The following RSL24D1 variants were observed in gnomAD, a reference collection of about 807,000 sequenced individuals.
RSL24D1 encodes the protein probable ribosome biogenesis protein RLP24.
A neutral mutation model predicts 26.2 loss-of-function variants in RSL24D1; 6 were observed. The ratio of observed to expected loss-of-function variants is 0.23; its 90% CI spans 0.13 to 0.45. The LOEUF (loss-of-function observed/expected upper bound fraction) is 0.45, where lower values mean the gene tolerates loss of function less well. RSL24D1 is among the 20% of genes least tolerant of loss of function. The pLI is 0.99. For missense variants in RSL24D1, 176 were observed against 202.6 expected, an observed-to-expected ratio of 0.87 and a Z score of 0.80; for synonymous variants, 61 against 59.1, an observed-to-expected ratio of 1.03 and a Z score of -0.15.
At chr15:55,186,788 A>G (rs1248115569) in intron 3 of RSL24D1, among the ~76,000 whole-genome samples, 1 of 137,864 alleles carries the variant, frequency 7.3e-6, no homozygotes, top group Non-Finnish European at 1.5e-5. Flanking sequence ...TAATAATTGC[A>G]GTGTGGTTAT....
Position 55,185,391 on chromosome 15 carries a change from C to G in RSL24D1, c.303G>C (p.Gln101His), listed in dbSNP as rs764295201. The G allele has an allele frequency of 6.2e-7, 1 of 1,608,778 alleles. No individual in the cohort carries two copies. Among genetic ancestry groups the G allele is most frequent in the Admixed American group, 1.7e-5 (1 of 58,802 alleles). Residue 101 changes from glutamine to histidine, a missense_variant, in exon 4 of 6, where the codon CAG (glutamine) becomes CAC (histidine). Physicochemically the swap from Gln to His is conservative, Grantham distance 24. Transcript: ENST00000260443. Reference sequence around the variant, plus strand: ...TCATTATAAATTTAGCTTGGCGCTTCTGTTTGATTTCTTCAACTCTCTTCA... The same window carrying G: ...TCATTATAAATTTAGCTTGGCGCTTGTGTTTGATTTCTTCAACTCTCTTCA... ...DAMKRVEEIKQKRQAKFIMNR... is the reference protein window; with the variant it reads ...DAMKRVEEIKHKRQAKFIMNR...
chr15:55,192,957 T>C (rs1003646951), intron 1 of RSL24D1, 124 bp from the exon 2 acceptor site: 29 of 610,682 alleles, frequency 4.7e-5, no homozygotes, highest in African/African-American at 4.1e-4. Flanking sequence ...ATGTGTAAGA[T>C]ATATCAGATT....
chr15:55,186,823 A>G (rs1894229552), intron 3 of RSL24D1, among the ~76,000 whole-genome samples: 1 of 152,176 alleles, frequency 6.6e-6, no homozygotes, highest in Non-Finnish European at 1.5e-5. Flanking sequence ...ATTTCTGGAA[A>G]TACATATTAA....
chr15:55,193,157 A>G (rs1894317500), intron 1 of RSL24D1, among the ~76,000 whole-genome samples: 1 of 152,240 alleles, frequency 6.6e-6, no homozygotes, highest in Admixed American at 6.5e-5. Context: ...TTCAAAATTC[A>G]CTGTCTTTAT....
At chr15:55,186,991 G>A (rs369292691) in intron 3 of RSL24D1, among the ~76,000 whole-genome samples, 1 of 152,106 alleles carries the variant, frequency 6.6e-6, no homozygotes, top group Non-Finnish European at 1.5e-5. Flanking sequence ...AACTCTACTC[G>A]TGCAACTTTT....
chr15:55,194,266 T>A (rs186064159), intron 1 of RSL24D1: 1 of 152,194 alleles, frequency 6.6e-6, no homozygotes, highest in African/African-American at 2.4e-5. Context: ...GTGCTAAGGA[T>A]ACAAGAACAA....
chr15:55,195,038 A>AAG (rs1894339827), intron 1 of RSL24D1, among the ~76,000 whole-genome samples: 1 of 151,506 alleles, frequency 6.6e-6, no homozygotes, highest in East Asian at 1.9e-4. Context: ...AAAAAAAAAA[A>AAG]AAAAAAAGGC....
In RSL24D1 at chr15:55,193,583, C is replaced by T. The variant is rs181519576; in HGVS notation, c.82-750G>A. Among the ~76,000 whole-genome samples, 11 of 152,328 alleles carry T rather than the reference C, an allele frequency of 7.2e-5. No individual in the cohort carries two copies. In the East Asian group the frequency reaches 1.7e-3, roughly 24 times the overall value. On this transcript the variant is annotated intron_variant, in intron 1 of 5. Transcript: ENST00000260443. ...TAAAGAAAATTAAGTTGAATTATCA[C>T]ACCTAAAAGGTATGACAGATAATAG...
chr15:55,183,267 C>A, intron 5 of RSL24D1, 48 bp downstream of exon 5: 1 of 1,380,312 alleles, frequency 7.2e-7, no homozygotes. Flanking sequence ...TTAGTTGGTA[C>A]CCAAATACAC....
chr15:55,196,059 T>C (rs1894352165), intron 1 of RSL24D1, among the ~76,000 whole-genome samples: 1 of 152,216 alleles, frequency 6.6e-6, no homozygotes. Context: ...CATTCTGTAA[T>C]GACAGGACAA....
In RSL24D1 at chr15:55,196,909, C is replaced by A. The variant is rs763296975; in HGVS notation, c.-19G>T. ...TACGCATGTTGAACCCGCGTGTAAC[C>A]CCACCAAACAAACGCCAAGCTTGAG... is the stretch of plus-strand genomic sequence containing the variant. On this transcript the variant is annotated 5_prime_UTR_variant, in exon 1 of 6. Coordinates refer to ENST00000260443, the MANE Select transcript of RSL24D1 (RefSeq NM_016304.3). The A allele has an allele frequency of 8.7e-6, 14 of 1,612,100 alleles. No homozygotes were observed. In the Middle Eastern group the frequency reaches 8.2e-4, roughly 95 times the overall value.
intron 3 of RSL24D1, among the ~76,000 whole-genome samples, chr15:55,190,287 G>A (rs2140595009): frequency 6.8e-6 from 1 of 146,022 alleles, no homozygotes; most frequent in Non-Finnish European, 1.5e-5. Context: ...AAGGCCAAGG[G>A]TCCCAAACAT....
At chr15:55,189,043 A>C (rs1317520621) in intron 3 of RSL24D1, among the ~76,000 whole-genome samples, 2 of 152,058 alleles carry the variant, frequency 1.3e-5, no homozygotes, top group Non-Finnish European at 2.9e-5. Flanking sequence ...ATACAAAAAA[A>C]TTAGCCGGGC....
chr15:55,187,676 T>A (rs1024821987), intron 3 of RSL24D1, among the ~76,000 whole-genome samples: 1 of 151,760 alleles, frequency 6.6e-6, no homozygotes, highest in African/African-American at 2.4e-5. Context: ...TTCTCACTTG[T>A]AAGCAGGGGC....
At chr15:55,191,619 C>T (rs1210603614) in intron 2 of RSL24D1, among the ~76,000 whole-genome samples, 2 of 152,208 alleles carry the variant, frequency 1.3e-5, no homozygotes, top group African/African-American at 4.8e-5. Context: ...TTCAGATCCC[C>T]TCCAAACACG....
intron 1 of RSL24D1, among the ~76,000 whole-genome samples, chr15:55,193,219 T>C (rs1181224350): frequency 6.6e-6 from 1 of 152,204 alleles, no homozygotes; most frequent in Non-Finnish European, 1.5e-5. Context: ...CTCCTTTGGG[T>C]CTTTCCATCT....
chr15:55,192,478 T>G (rs1894308302), intron 2 of RSL24D1: 1 of 355,130 alleles, frequency 2.8e-6, no homozygotes, highest in Non-Finnish European at 5.1e-6. Flanking sequence ...AATTCCCAAC[T>G]TCATCCCAAG....
chr15:55,195,077 G>A (rs902234442), intron 1 of RSL24D1, among the ~76,000 whole-genome samples: 1 of 147,698 alleles, frequency 6.8e-6, no homozygotes, highest in Non-Finnish European at 1.5e-5. Flanking sequence ...AGTGGTAAGA[G>A]CCTAATCTGA....
rs11540387 is a variant in RSL24D1 at position 55,182,176 on chromosome 15, A to G, written c.468T>C (p.Asp156=). ...TTTAAGGAGCATCTTCCATGTCCAC[A>G]TCCTCTTGTAACTGCTGTACCATTT... ...EEKMVQQLQE[D]VDMEDAP The change falls in exon 6 of 6, where the codon GAT becomes GAC. Residue 156 remains aspartate, a synonymous_variant. Coordinates refer to ENST00000260443, the MANE Select transcript of RSL24D1 (RefSeq NM_016304.3). The G allele has an allele frequency of 6.2e-7, 1 of 1,608,528 alleles. No individual in the cohort carries two copies. Among genetic ancestry groups the G allele is most frequent in the Non-Finnish European group, 8.5e-7 (1 of 1,175,400 alleles).
Sources: allele counts gnomAD v4.1 joint callset (sites outside exome capture counted in the v4.1 genomes callset), GRCh38; gene constraint gnomAD v4.1.1; transcripts MANE v1.5; gene names NCBI Gene and HGNC (gene_info 2026-07-23, HGNC 2026-07-21).